CDH12: variants seen among roughly 807,000 people sequenced by gnomAD.
The protein encoded by CDH12 is cadherin-12.
Under a neutral mutation model 74.1 loss-of-function variants are expected in CDH12, and 41 were observed. The observed-to-expected ratio is 0.55, with a 90% CI of 0.43 to 0.72. CDH12 has a LOEUF of 0.72. Ranked by LOEUF, CDH12 falls within the 30% of genes least tolerant of loss-of-function variation. The pLI, the probability that CDH12 is intolerant of heterozygous loss-of-function variation, is 0.00. For missense variants in CDH12, 945 were observed against 977.2 expected, an observed-to-expected ratio of 0.97 and a Z score of 0.44; for synonymous variants, 399 against 355.0, an observed-to-expected ratio of 1.12 and a Z score of -1.39.
intron 1 of CDH12, among the ~76,000 whole-genome samples, chr5:22,754,088 G>A (rs1745750915): frequency 6.6e-6 from 1 of 152,062 alleles, no homozygotes; most frequent in African/African-American, 2.4e-5. Flanking sequence ...CACTGAAAGG[G>A]ACTTAGTCAT....
rs1458248387 is a variant in CDH12, at chr5:22,563,261, T to TAAAATA, written c.-522-57898_-522-57897insTATTTT. On this transcript the variant is annotated intron_variant, in intron 1 of 14. Transcript: ENST00000382254. Reference sequence around the variant, plus strand: ...CACCTGTATTTATCTGTCTTTTTGATAAAAGTTATTTTAACTGAGGTGAGA... The same window carrying TAAAATA: ...CACCTGTATTTATCTGTCTTTTTGATAAAATAAAAAGTTATTTTAACTGAGGTGAGA... Among the ~76,000 whole-genome samples the TAAAATA allele has an allele frequency of 6.6e-5, 10 of 152,136 alleles. 1 individual carries two copies. The highest frequency in any genetic ancestry group is 5.9e-4 in the Admixed American group (9 of 15,278).
At chr5:22,727,289 T>C (rs900046450) in intron 1 of CDH12, among the ~76,000 whole-genome samples, 1 of 151,834 alleles carries the variant, frequency 6.6e-6, no homozygotes, top group South Asian at 2.1e-4. Context: ...ATTTGACTGT[T>C]AATTAGTCTG....
chr5:22,223,513 G>A (rs1349737754), intron 3 of CDH12, among the ~76,000 whole-genome samples: 3 of 152,116 alleles, frequency 2.0e-5, no homozygotes, highest in Non-Finnish European at 4.4e-5. Context: ...TCGATGATGG[G>A]AACATTCAGT....
chr5:22,681,226 GGGGTGTGT>G (rs774470895), intron 1 of CDH12, among the ~76,000 whole-genome samples: 122 of 38,304 alleles, frequency 3.2e-3, no homozygotes, highest in African/African-American at 0.014. Context: ...TGGGTATTGG[GGGGTGTGT>G]GTGTGTGTGT....
intron 1 of CDH12, among the ~76,000 whole-genome samples, chr5:22,728,110 C>T (rs866182585): frequency 1.3e-5 from 2 of 151,774 alleles, no homozygotes; most frequent in Non-Finnish European, 1.5e-5. Context: ...TATTAAATCT[C>T]TTGCAATTTT....
intron 2 of CDH12, among the ~76,000 whole-genome samples, chr5:22,497,093 GATTA>G (rs1348427663): frequency 3.9e-5 from 6 of 152,174 alleles, no homozygotes; most frequent in East Asian, 1.9e-4. Context: ...TTCTTATGAG[GATTA>G]ATTAAACAAC....
chr5:21,810,244 C>A (rs535272829), intron 9 of CDH12, among the ~76,000 whole-genome samples: 7 of 152,182 alleles, frequency 4.6e-5, no homozygotes, highest in African/African-American at 1.4e-4. Flanking sequence ...AAATAGATTT[C>A]TTTCATTCCC....
chr5:22,699,849 T>C (rs1742616492), intron 1 of CDH12, among the ~76,000 whole-genome samples: 1 of 152,180 alleles, frequency 6.6e-6, no homozygotes, highest in African/African-American at 2.4e-5. Context: ...GTGAATCATA[T>C]TAATGCCTAT....
At chr5:22,820,024 TATATAC>T (rs1252192876) in intron 1 of CDH12, among the ~76,000 whole-genome samples, 15 of 146,746 alleles carry the variant, frequency 1.0e-4, no homozygotes, top group African/African-American at 2.7e-4. Context: ...TATATACATA[TATATAC>T]ATATACATAT....
At chr5:22,219,836 T>G (rs1449556597) in intron 3 of CDH12, among the ~76,000 whole-genome samples, 2 of 151,616 alleles carry the variant, frequency 1.3e-5, no homozygotes, top group Non-Finnish European at 3.0e-5. Context: ...TGAAATGAAT[T>G]AGTGCAGATG....
rs879774229 is a variant in CDH12 at position 21,841,530 on chromosome 5, A to G, written c.814+631T>C. ...TGGGTATATACCCAAAGGACTATAAATCATGCTGCTATAAAGACACATGCA... is the reference window on the plus strand; with the variant it reads ...TGGGTATATACCCAAAGGACTATAAGTCATGCTGCTATAAAGACACATGCA... On this transcript the variant is annotated intron_variant, in intron 8 of 14. Transcript: ENST00000382254. 8.1e-3 allele frequency among the ~76,000 whole-genome samples: 1,203 copies of G among 148,820 alleles called. 15 individuals are homozygous for G. Among genetic ancestry groups the G allele is most frequent in the African/African-American group, 0.028 (1,145 of 40,700 alleles).
At chr5:22,109,292 T>C (rs1244388203) in intron 4 of CDH12, among the ~76,000 whole-genome samples, 1 of 152,146 alleles carries the variant, frequency 6.6e-6, no homozygotes, top group African/African-American at 2.4e-5. Context: ...CTTTGGGAGA[T>C]AGAGATAACA....
chr5:22,091,251 A>G (rs988268003), intron 4 of CDH12, among the ~76,000 whole-genome samples: 1 of 149,186 alleles, frequency 6.7e-6, no homozygotes, highest in African/African-American at 2.5e-5. Flanking sequence ...GTATATACAT[A>G]TAGTTTAAGA....
rs539131894 is a variant in CDH12, at chr5:22,504,367, G to C, written c.-428+903C>G. On this transcript the variant is annotated intron_variant, in intron 2 of 14. Transcript: ENST00000382254. Reference sequence around the variant, plus strand: ...AGCTAATCTCATAAAAGGATAATGAGAAAGAAAAAGAAAAGGCTTCATCTT... The same window carrying C: ...AGCTAATCTCATAAAAGGATAATGACAAAGAAAAAGAAAAGGCTTCATCTT... 7.9e-5 allele frequency among the ~76,000 whole-genome samples: 12 copies of C among 152,008 alleles called. No homozygotes were observed. In the South Asian group the frequency reaches 2.5e-3, roughly 32 times the overall value.
chr5:22,292,386 T>A (rs1192553284), intron 3 of CDH12, among the ~76,000 whole-genome samples: 4 of 134,022 alleles, frequency 3.0e-5, no homozygotes, highest in South Asian at 2.2e-4. Context: ...AAAGCAAAAA[T>A]AGACAAATGG....
At chr5:22,203,887 G>A (rs1031161498) in intron 4 of CDH12, among the ~76,000 whole-genome samples, 1 of 152,114 alleles carries the variant, frequency 6.6e-6, no homozygotes, top group African/African-American at 2.4e-5. Flanking sequence ...GCCATTGTAT[G>A]TCCCCCTTTT....
intron 2 of CDH12, among the ~76,000 whole-genome samples, chr5:22,443,406 G>A (rs1744699393): frequency 6.6e-6 from 1 of 152,096 alleles, no homozygotes; most frequent in Non-Finnish European, 1.5e-5. Context: ...AAACTATCAT[G>A]AAATTTAAAA....
At chr5:22,427,896 A>G (rs28625910) in intron 2 of CDH12, among the ~76,000 whole-genome samples, 1 of 152,168 alleles carries the variant, frequency 6.6e-6, no homozygotes, top group African/African-American at 2.4e-5. Context: ...AAAAAAAGTC[A>G]TTTTGTGAAA....
intron 5 of CDH12, among the ~76,000 whole-genome samples, chr5:22,066,643 A>G (rs923830422): frequency 6.6e-6 from 1 of 152,182 alleles, no homozygotes; most frequent in Non-Finnish European, 1.5e-5. Context: ...CGTGGAAGTG[A>G]GGACTGTAAT....
Sources: allele counts gnomAD v4.1 joint callset (sites outside exome capture counted in the v4.1 genomes callset), GRCh38; gene constraint gnomAD v4.1.1; transcripts MANE v1.5; gene names NCBI Gene and HGNC (gene_info 2026-07-23, HGNC 2026-07-21).